The following FAM120C variants were observed in gnomAD, a reference collection of about 807,000 sequenced individuals.
The protein encoded by FAM120C is family with sequence similarity 120 member C.
In FAM120C, 14 loss-of-function variants were observed where a neutral mutation model predicts 71.2. That is an observed-to-expected ratio of 0.20 (90% CI 0.13 to 0.31). The LOEUF is 0.31. FAM120C is among the 10% of genes least tolerant of loss of function. FAM120C has a pLI of 1.00. For synonymous variants in FAM120C, 354 were observed against 353.2 expected (o/e 1.00, Z -0.03); for missense variants, 500 against 879.0 (o/e 0.57, Z 5.45).
At chrX:54,130,032 C>G (rs868993257) in intron 9 of FAM120C, among the ~76,000 whole-genome samples, 2 of 87,644 alleles carry the variant, frequency 2.3e-5, no homozygotes, top group Non-Finnish European at 4.4e-5. Context: ...GAGGGAGACC[C>G]TGGGGAGAGG....
chrX:54,154,981 G>A (rs1316047898), intron 3 of FAM120C, among the ~76,000 whole-genome samples: 3 of 110,739 alleles, frequency 2.7e-5, no homozygotes, highest in East Asian at 5.7e-4. Context: ...TGGGAAGATC[G>A]CTTGAGCATA....
intron 3 of FAM120C, among the ~76,000 whole-genome samples, chrX:54,154,674 G>A (rs1569533365): frequency 9.1e-6 from 1 of 109,551 alleles, no homozygotes; most frequent in Non-Finnish European, 1.9e-5. Flanking sequence ...CAAAAATGAG[G>A]AAGGCTGTGG....
intron 10 of FAM120C, among the ~76,000 whole-genome samples, chrX:54,099,539 A>G (rs2066871845): frequency 8.9e-6 from 1 of 112,040 alleles, no homozygotes; most frequent in South Asian, 3.6e-4. Context: ...TTCTGGCATC[A>G]TATCAAAGAA....
chrX:54,165,516 C>A (rs782461831), intron 1 of FAM120C, among the ~76,000 whole-genome samples: 2 of 111,499 alleles, frequency 1.8e-5, no homozygotes, highest in South Asian at 7.4e-4. Context: ...GTGGCTCATG[C>A]CTGTAATCCC....
Position 54,153,310 on chromosome X carries a change from A to G in FAM120C, c.1030-1937T>C, listed in dbSNP as rs904894417. On this transcript the variant is annotated intron_variant, in intron 3 of 15. Transcript: ENST00000375180. ...TAAGTGCAAAGGTTCTAAGAGCAAA[A>G]GAAAGAAAGAGATCAGATATGAGAG... Among the ~76,000 whole-genome samples the G allele has an allele frequency of 2.7e-5, 3 of 110,869 alleles. No homozygotes were observed. In the Admixed American group the frequency reaches 2.9e-4, roughly 11 times the overall value.
At chrX:54,088,010 C>A (rs781861137) in intron 11 of FAM120C, 46 bp from the exon 12 acceptor site, 4 of 1,032,061 alleles carry the variant, frequency 3.9e-6, no homozygotes, top group Non-Finnish European at 5.3e-6. Context: ...AACTACTATT[C>A]TTGGTAACAT....
At chrX:54,172,515 A>G (rs2067293503) in intron 1 of FAM120C, among the ~76,000 whole-genome samples, 1 of 112,444 alleles carries the variant, frequency 8.9e-6, no homozygotes, top group African/African-American at 3.2e-5. Flanking sequence ...CAGAAGCACA[A>G]TCTGTAGCCA....
At position 54,108,185 on chromosome X, in the gene FAM120C, T is replaced by TA. The variant is rs782262748; in HGVS notation, c.2312+8359dup. On this transcript the variant is annotated intron_variant, in intron 10 of 15. Coordinates refer to ENST00000375180, the MANE Select transcript of FAM120C (RefSeq NM_017848.6). ...ATAACAGAAACTAGAATATCACACATAATCATGGCGATATCTATCAAGTAC... is the reference window on the plus strand; with the variant it reads ...ATAACAGAAACTAGAATATCACACATAAATCATGGCGATATCTATCAAGTAC... Among the ~76,000 whole-genome samples the TA allele has an allele frequency of 1.7e-3, 187 of 108,780 alleles. 1 individual carries two copies. The highest frequency in any genetic ancestry group is 5.7e-3 in the African/African-American group (169 of 29,884). The allele number at this position is 108,780 out of a possible 115,157, so 94.5% of individuals were successfully genotyped here. A position where few individuals can be genotyped will look rare whatever the true frequency, so the allele number is the denominator to read the frequency against.
intron 15 of FAM120C, among the ~76,000 whole-genome samples, chrX:54,075,312 G>T (rs1314450100): frequency 8.9e-6 from 1 of 112,010 alleles, no homozygotes; most frequent in Non-Finnish European, 1.9e-5. Flanking sequence ...CACAGAACTA[G>T]TAAGTAGCAG....
At chrX:54,170,252 C>T (rs1232925893) in intron 1 of FAM120C, among the ~76,000 whole-genome samples, 1 of 111,229 alleles carries the variant, frequency 9.0e-6, no homozygotes, top group Non-Finnish European at 1.9e-5. Flanking sequence ...CCTCCTGCCT[C>T]AGCCTCCCAA....
intron 9 of FAM120C, among the ~76,000 whole-genome samples, chrX:54,129,130 C>T (rs782557475): frequency 2.8e-5 from 3 of 105,891 alleles, no homozygotes; most frequent in South Asian, 4.2e-4. Context: ...CCGGACGGGG[C>T]GGCCGGCCGG....
intron 15 of FAM120C, among the ~76,000 whole-genome samples, chrX:54,075,784 C>T (rs1234884989): frequency 3.2e-5 from 3 of 93,527 alleles, no homozygotes; most frequent in East Asian, 6.7e-4. Flanking sequence ...GGCGACAGAA[C>T]GAGACTCTGT....
At chrX:54,097,151 A>G (rs1042466570) in intron 10 of FAM120C, among the ~76,000 whole-genome samples, 2 of 112,171 alleles carry the variant, frequency 1.8e-5, no homozygotes, top group African/African-American at 6.5e-5. Context: ...TGGCTTGTCA[A>G]TCGGAGTCTT....
At chrX:54,126,283 C>A (rs2146601645) in intron 9 of FAM120C, among the ~76,000 whole-genome samples, 1 of 112,219 alleles carries the variant, frequency 8.9e-6, no homozygotes, top group Non-Finnish European at 1.9e-5. Flanking sequence ...AGCCTTCTTC[C>A]TGATTTTAGG....
intron 1 of FAM120C, among the ~76,000 whole-genome samples, chrX:54,179,051 TA>T (rs1174160592): frequency 1.8e-5 from 2 of 111,958 alleles, no homozygotes; most frequent in Non-Finnish European, 3.8e-5. Flanking sequence ...AAAACTGCTT[TA>T]GGTTGCTTTA....
chrX:54,090,202 G>A (rs2066816979), intron 11 of FAM120C, among the ~76,000 whole-genome samples: 1 of 102,672 alleles, frequency 9.7e-6, no homozygotes, highest in South Asian at 4.5e-4. Context: ...GTTCATGCAA[G>A]AACTGATTGC....
chrX:54,129,345 T>C (rs2067049544), intron 9 of FAM120C, among the ~76,000 whole-genome samples: 1 of 98,940 alleles, frequency 1.0e-5, no homozygotes, highest in African/African-American at 3.8e-5. Flanking sequence ...CCAGACGGGG[T>C]CGCAGCCGGG....
At chrX:54,155,853 C>A (rs781974750) in intron 3 of FAM120C, among the ~76,000 whole-genome samples, 3 of 110,621 alleles carry the variant, frequency 2.7e-5, no homozygotes, top group Non-Finnish European at 5.7e-5. Flanking sequence ...GAGGTTTAGG[C>A]AGGAGGATTG....
intron 11 of FAM120C, among the ~76,000 whole-genome samples, chrX:54,089,819 C>T (rs2066814192): frequency 9.1e-6 from 1 of 109,983 alleles, no homozygotes; most frequent in African/African-American, 3.3e-5. Context: ...ATTAACCAAG[C>T]GTGGTGGCGC....
Sources: allele counts gnomAD v4.1 joint callset (sites outside exome capture counted in the v4.1 genomes callset), GRCh38; gene constraint gnomAD v4.1.1; transcripts MANE v1.5; gene names NCBI Gene and HGNC (gene_info 2026-07-23, HGNC 2026-07-21).